RELL1: variants seen among roughly 807,000 people sequenced by gnomAD.
The protein encoded by RELL1 is RELT like 1.
A neutral mutation model predicts 23.0 loss-of-function variants in RELL1; 10 were observed. That is an observed-to-expected ratio of 0.43 (90% CI 0.27 to 0.74). The LOEUF is 0.74. RELL1 is among the 30% of genes least tolerant of loss of function. The pLI is 0.19. For synonymous variants in RELL1, 146 were observed against 146.8 expected, an observed-to-expected ratio of 0.99 and a Z score of 0.04; for missense variants, 315 against 364.4, an observed-to-expected ratio of 0.86 and a Z score of 1.10.
At chr4:37,674,556 A>G (rs919008) in intron 1 of RELL1, among the ~76,000 whole-genome samples, 1 of 152,342 alleles carries the variant, frequency 6.6e-6, no homozygotes, top group African/African-American at 2.4e-5. Flanking sequence ...GCATATAGAA[A>G]AAACTTGCAA....
At position 37,604,768 on chromosome 4, in the gene RELL1, CACACACAG is replaced by C. The variant is rs1560323522; in HGVS notation, c.*4-13559_*4-13552del. 1.2e-3 allele frequency among the ~76,000 whole-genome samples: 162 copies of C among 136,482 alleles called. 1 individual carries two copies. Among genetic ancestry groups the C allele is most frequent in the African/African-American group, 3.8e-3 (137 of 35,758 alleles). 89.5% of individuals were successfully genotyped at this position (136,482 alleles called of 152,430 possible). A position where few individuals can be genotyped will look rare whatever the true frequency, so the allele number is the denominator to read the frequency against. ...TAAGGCTAAAAACAAGAACCACACACACACACAGACACACACAGACACACACACAGACA... is the reference window on the plus strand; with the variant it reads ...TAAGGCTAAAAACAAGAACCACACACACACACACAGACACACACACAGACA... On this transcript the variant is annotated intron_variant, in intron 6 of 6. Coordinates refer to the RELL1 transcript ENST00000314117.
intron 1 of RELL1, among the ~76,000 whole-genome samples, chr4:37,668,509 C>G (rs1035885200): frequency 6.6e-6 from 1 of 151,922 alleles, no homozygotes; most frequent in Non-Finnish European, 1.5e-5. Context: ...GAGTCTCCTT[C>G]ACTCAGTGCT....
At chr4:37,586,683 A>G (rs1224247758), downstream of RELL1, among the ~76,000 whole-genome samples, 2 of 152,156 alleles carry the variant, frequency 1.3e-5, no homozygotes, top group African/African-American at 4.8e-5. Context: ...GCCAAGGTGG[A>G]TGGATCACCT....
intron 1 of RELL1, among the ~76,000 whole-genome samples, chr4:37,657,201 G>A (rs1382767243): frequency 6.6e-6 from 1 of 152,152 alleles, no homozygotes; most frequent in East Asian, 1.9e-4. Flanking sequence ...GAAATAAACA[G>A]GCAAAAATAA....
chr4:37,655,808 G>C (rs2109291006), intron 1 of RELL1, among the ~76,000 whole-genome samples: 1 of 152,364 alleles, frequency 6.6e-6, no homozygotes, highest in African/African-American at 2.4e-5. Context: ...AGAACAGCCA[G>C]AGCTCCAGTC....
At chr4:37,631,267 C>T in intron 6 of RELL1, 118 bp downstream of exon 6, 1 of 1,138,764 alleles carries the variant, frequency 8.8e-7, no homozygotes, top group Admixed American at 2.4e-5. Context: ...TCAAGGAAAG[C>T]TCTCCCACTT....
chr4:37,638,412 G>A, intron 4 of RELL1, 35 bp downstream of exon 4: 1 of 1,534,336 alleles, frequency 6.5e-7, no homozygotes, highest in Non-Finnish European at 9.0e-7. Flanking sequence ...TAACTGAAAA[G>A]ATGTCGCACT....
At chr4:37,605,209 CA>C (rs1553871586) in intron 6 of RELL1, among the ~76,000 whole-genome samples, 2 of 152,044 alleles carry the variant, frequency 1.3e-5, no homozygotes, top group South Asian at 4.2e-4. Context: ...CAGATAGATA[CA>C]AAAAATACAT....
rs112621710 is a variant in RELL1 at position 37,629,902 on chromosome 4, G to A, written c.*3+1483C>T. ...GTAGCATGGACGGAGCATTTCCCAC[G>A]TGCCAGGCCCTGCCTTCACACGTGC... is the stretch of plus-strand genomic sequence containing the variant. On this transcript the variant is annotated intron_variant, in intron 6 of 6. Transcript: ENST00000454158. Among the ~76,000 whole-genome samples the A allele has an allele frequency of 2.4e-4, 37 of 152,254 alleles. 3 individuals carry two copies. Among genetic ancestry groups the A allele is most frequent in the African/African-American group, 8.2e-4 (34 of 41,556 alleles).
chr4:37,634,936 C>T lies in RELL1; in HGVS notation c.631G>A (p.Glu211Lys). The T allele has an allele frequency of 6.2e-7, 1 of 1,614,268 alleles. No homozygotes were observed. The highest frequency in any genetic ancestry group is 8.5e-7 in the Non-Finnish European group (1 of 1,180,056). ...HFIKPTNKSR[E>K]SRPRRQGEVT... is the part of the protein sequence containing the mutation. ...TCGCCTTGGCGCCGTGGTCTGCTCT[C>T]TCTGGACTTGTTAGTGGGCTTTATA... The change falls in exon 5 of 7, where the codon GAG becomes AAG. Residue 211 changes from glutamate to lysine, a missense_variant. By Grantham distance (56) the Glu-to-Lys change is moderately conservative. Transcript: ENST00000454158.
chr4:37,649,172 TA>T, intron 2 of RELL1, 103 bp downstream of exon 2: 1 of 961,130 alleles, frequency 1.0e-6, no homozygotes, highest in East Asian at 2.4e-5. Flanking sequence ...CACCTGCCAC[TA>T]AAATGGATCA....
chr4:37,649,332 T>A lies in RELL1; in HGVS notation c.257A>T (p.Tyr86Phe). 6.2e-7 allele frequency: 1 copy of A among 1,614,230 alleles called. No homozygotes were observed. Among genetic ancestry groups the A allele is most frequent in the Non-Finnish European group, 8.5e-7 (1 of 1,180,036 alleles). ...TTGCTCTGCTTCTGTTGTACAACGA[T>A]AGCCTTTCTTCTTAAGCAGGTGGCA... ...LICHLLKKKG[Y>F]RCTTEAEQDI... The change falls in exon 2 of 7, where the codon TAT (tyrosine) becomes TTT (phenylalanine). Residue 86 changes from tyrosine (Y) to phenylalanine (F), a missense_variant. Transcript: ENST00000454158.
chr4:37,659,625 G>A (rs538503164), intron 1 of RELL1, among the ~76,000 whole-genome samples: 151 of 152,118 alleles, frequency 9.9e-4, no homozygotes, highest in South Asian at 3.9e-3. Context: ...TACTGAACAA[G>A]TCACTTCACC....
At chr4:37,593,760 A>T (rs986476445) in intron 6 of RELL1, among the ~76,000 whole-genome samples, 1 of 152,186 alleles carries the variant, frequency 6.6e-6, no homozygotes, top group African/African-American at 2.4e-5. Context: ...AAAGCCTGGG[A>T]TACAGCTGGT....
chr4:37,638,382 T>C, intron 4 of RELL1, 65 bp downstream of exon 4: 2 of 1,253,726 alleles, frequency 1.6e-6, no homozygotes, highest in Non-Finnish European at 2.3e-6. Context: ...GCATTTCAGA[T>C]GGCGCCATAT....
chr4:37,603,362 A>G (rs1384143337), intron 6 of RELL1, among the ~76,000 whole-genome samples: 2 of 152,150 alleles, frequency 1.3e-5, no homozygotes, highest in Non-Finnish European at 2.9e-5. Context: ...AGATCTGAGA[A>G]CAGTCCTGCA....
At chr4:37,590,396 G>A (rs1281309149), downstream of RELL1, 7 of 1,613,646 alleles carry the variant, frequency 4.3e-6, no homozygotes, top group Non-Finnish European at 5.9e-6. Context: ...GGGAATTCCA[G>A]CCCCACCCAG....
intron 3 of RELL1, among the ~76,000 whole-genome samples, chr4:37,639,776 C>A (rs549007444): frequency 4.3e-4 from 65 of 152,332 alleles, no homozygotes; most frequent in African/African-American, 1.5e-3. Context: ...GAGGAAAGAA[C>A]AAATAAAAAT....
intron 1 of RELL1, among the ~76,000 whole-genome samples, chr4:37,682,726 G>A (rs576689424): frequency 6.6e-6 from 1 of 152,322 alleles, no homozygotes; most frequent in Non-Finnish European, 1.5e-5. Flanking sequence ...TGGATGTACA[G>A]CTTCGCAGCT....
Sources: allele counts gnomAD v4.1 joint callset (sites outside exome capture counted in the v4.1 genomes callset), GRCh38; gene constraint gnomAD v4.1.1; transcripts MANE v1.5; gene names NCBI Gene and HGNC (gene_info 2026-07-23, HGNC 2026-07-21).